Variants in EPHB1 observed in about 807,000 individuals in gnomAD.
The protein encoded by EPHB1 is ephrin type-B receptor 1.
EPHB1 carries 30 observed loss-of-function variants against 94.4 expected under a neutral mutation model. The observed-to-expected ratio is 0.32, with a 90% CI of 0.24 to 0.43. EPHB1 has a LOEUF of 0.43. Among genes scored for constraint, EPHB1 ranks in the 20% least tolerant of loss-of-function variants. The probability of loss-of-function intolerance (pLI) is 1.00; values close to 1 mark genes in which losing one functional copy is unlikely to be tolerated. For missense variants in EPHB1, 1,055 were observed against 1,308.3 expected (o/e 0.81, Z 2.99); for synonymous variants, 522 against 489.1 (o/e 1.07, Z -0.89).
intron 1 of EPHB1, among the ~76,000 whole-genome samples, chr3:134,881,656 G>A (rs2037733304): frequency 6.6e-6 from 1 of 152,194 alleles, no homozygotes; most frequent in African/African-American, 2.4e-5. Context: ...CCTGACAAAG[G>A]GGTGCTAATC....
chr3:134,818,308 C>A (rs889217480), intron 1 of EPHB1, among the ~76,000 whole-genome samples: 2 of 152,196 alleles, frequency 1.3e-5, no homozygotes, highest in African/African-American at 4.8e-5. Context: ...CAGGCAGCCT[C>A]CTTGGCTTAG....
intron 1 of EPHB1, among the ~76,000 whole-genome samples, chr3:134,834,118 C>T (rs1430751648): frequency 6.6e-6 from 1 of 152,056 alleles, no homozygotes; most frequent in African/African-American, 2.4e-5. Context: ...ACTATCTAGG[C>T]AGGAGATGAG....
In EPHB1 at chr3:135,201,662, C is replaced by A. The variant is rs749937780; in HGVS notation, c.2319C>A (p.Thr773=). The change falls in exon 12 of 16, where the codon ACC becomes ACA. Residue 773 remains threonine, a synonymous_variant. Coordinates refer to ENST00000398015, the MANE Select transcript of EPHB1 (RefSeq NM_004441.5). ...TCTCCCGCTACCTCCAGGATGACAC[C>A]TCAGATCCCACCTACACCAGCTCCT... The part of the protein sequence containing the change: ...FGLSRYLQDD[T]SDPTYTSSLG... 5 of 1,613,822 alleles carry A rather than the reference C, an allele frequency of 3.1e-6. No homozygotes were observed. The South Asian group carries it at 4.4e-5, about 14-fold the overall frequency.
intron 11 of EPHB1, among the ~76,000 whole-genome samples, chr3:135,196,553 G>T (rs1942622865): frequency 6.6e-6 from 1 of 152,128 alleles, no homozygotes; most frequent in Non-Finnish European, 1.5e-5. Flanking sequence ...ACCGAACCCT[G>T]GAGCATAGCA....
At chr3:135,130,603 TG>T in intron 4 of EPHB1, among the ~76,000 whole-genome samples, 1 of 152,026 alleles carries the variant, frequency 6.6e-6, no homozygotes, top group East Asian at 1.9e-4. Context: ...CTGGAGTCAG[TG>T]GGGAGAGTGT....
chr3:135,111,553 G>A (rs566685304), intron 4 of EPHB1, among the ~76,000 whole-genome samples: 47 of 152,266 alleles, frequency 3.1e-4, no homozygotes, highest in African/African-American at 1.1e-3. Flanking sequence ...ATGTGAGAGA[G>A]AGGAGGGGTG....
chr3:135,201,063 C>T (rs1300607106), intron 11 of EPHB1, among the ~76,000 whole-genome samples: 1 of 151,990 alleles, frequency 6.6e-6, no homozygotes, highest in Non-Finnish European at 1.5e-5. Context: ...GGAGATTTTC[C>T]TTAATGCAAT....
In EPHB1 at chr3:135,053,027, G is replaced by GTATATATATATA. The variant is rs1243029809; in HGVS notation, c.806-53404_806-53393dup. ...TGTGTATATATATGTGTGTGTGTGT[G>GTATATATATATA]TATATATATATATATATATATATAT... On this transcript the variant is annotated intron_variant, in intron 3 of 15. Transcript: ENST00000398015. Among the ~76,000 whole-genome samples, 239 of 110,372 alleles carry GTATATATATATA rather than the reference G, an allele frequency of 2.2e-3. 6 individuals carry two copies. The highest frequency in any genetic ancestry group is 7.0e-3 in the African/African-American group (165 of 23,584). 72.4% of individuals were successfully genotyped at this position (110,372 alleles called of 152,430 possible). A position where few individuals can be genotyped will look rare whatever the true frequency, so the allele number is the denominator to read the frequency against.
chr3:135,254,571 A>G (rs543641733), intron 15 of EPHB1, among the ~76,000 whole-genome samples: 1 of 152,100 alleles, frequency 6.6e-6, no homozygotes, highest in East Asian at 1.9e-4. Context: ...AGCCCACTTG[A>G]TCATGGTGAA....
chr3:134,903,053 A>G (rs1016661971), intron 1 of EPHB1, among the ~76,000 whole-genome samples: 3 of 152,248 alleles, frequency 2.0e-5, no homozygotes, highest in African/African-American at 7.2e-5. Flanking sequence ...TTCAGGACAC[A>G]TGGTCCTGAC....
At position 135,259,099 on chromosome 3, in the gene EPHB1, G is replaced by C. The variant is rs749957962; in HGVS notation, c.2934G>C (p.Gln978His). ...SIHSMRVQIS[Q>H]SPTAMA ...ATTCTATGAGGGTCCAGATAAGTCA[G>C]TCACCAACGGCAATGGCATGAGAAC... The change falls in exon 16 of 16, where the codon CAG becomes CAC. Residue 978 changes from glutamine to histidine, a missense_variant. Coordinates refer to ENST00000398015, the MANE Select transcript of EPHB1 (RefSeq NM_004441.5). 6.2e-7 allele frequency: 1 copy of C among 1,609,298 alleles called. No homozygotes were observed. The highest frequency in any genetic ancestry group is 8.5e-7 in the Non-Finnish European group (1 of 1,177,902).
chr3:134,888,631 T>C (rs1340623235), intron 1 of EPHB1, among the ~76,000 whole-genome samples: 1 of 146,966 alleles, frequency 6.8e-6, no homozygotes. Flanking sequence ...TCGCTTGAAC[T>C]AGGGAGTTGG....
At chr3:134,841,549 G>T (rs191673788) in intron 1 of EPHB1, 13 of 152,282 alleles carry the variant, frequency 8.5e-5, no homozygotes, top group Admixed American at 7.8e-4. Flanking sequence ...ATCATAAAAA[G>T]GTTTCCTCTA....
At chr3:134,832,984 T>C (rs1166514305) in intron 1 of EPHB1, among the ~76,000 whole-genome samples, 1 of 152,242 alleles carries the variant, frequency 6.6e-6, no homozygotes, top group Non-Finnish European at 1.5e-5. Flanking sequence ...TAATGCTGTT[T>C]TTTAAAAAGT....
In EPHB1 at chr3:135,252,688, G is replaced by A. The variant is rs554723861; in HGVS notation, c.2846+3197G>A. ...CCACAATAAACATACGTTTGCACGT[G>A]TCTTTATAGCAGCATGATTTATAGT... On this transcript the variant is annotated intron_variant, in intron 15 of 15. Transcript: ENST00000398015. 9.9e-5 allele frequency among the ~76,000 whole-genome samples: 14 copies of A among 141,890 alleles called. 3 individuals are homozygous for A. The South Asian group carries it at 3.2e-3, about 33-fold the overall frequency. 93.1% of individuals were successfully genotyped at this position (141,890 alleles called of 152,430 possible).
chr3:135,197,254 C>T lies in EPHB1; in HGVS notation c.2131-4220C>T, dbSNP rs1942647304. On this transcript the variant is annotated intron_variant, in intron 11 of 15. Coordinates refer to ENST00000398015, the MANE Select transcript of EPHB1 (RefSeq NM_004441.5). ...GCTTTGTGGTTGCTGCTGGTTCTTTCACAGATAATCATAACTGGAAGACTC... is the reference window on the plus strand; with the variant it reads ...GCTTTGTGGTTGCTGCTGGTTCTTTTACAGATAATCATAACTGGAAGACTC... Among the ~76,000 whole-genome samples, 5 of 152,104 alleles carry T rather than the reference C, an allele frequency of 3.3e-5. No individual in the cohort carries two copies. In the South Asian group the frequency reaches 1.0e-3, roughly 32 times the overall value.
intron 6 of EPHB1, among the ~76,000 whole-genome samples, chr3:135,157,555 C>T (rs1324477865): frequency 6.6e-6 from 1 of 152,240 alleles, no homozygotes; most frequent in African/African-American, 2.4e-5. Flanking sequence ...GCAGCAGCTT[C>T]CACACCTCAG....
chr3:135,134,156 G>T (rs1940527928), intron 5 of EPHB1, among the ~76,000 whole-genome samples: 1 of 152,248 alleles, frequency 6.6e-6, no homozygotes, highest in African/African-American at 2.4e-5. Flanking sequence ...GGGGTCATAG[G>T]CAGTGGACCG....
intron 9 of EPHB1, among the ~76,000 whole-genome samples, chr3:135,179,358 C>A (rs1486000591): frequency 2.0e-5 from 3 of 152,124 alleles, no homozygotes; most frequent in African/African-American, 7.2e-5. Context: ...TTTCTAACAG[C>A]AATTTCTCTC....
Sources: allele counts gnomAD v4.1 joint callset (sites outside exome capture counted in the v4.1 genomes callset), GRCh38; gene constraint gnomAD v4.1.1; transcripts MANE v1.5; gene names NCBI Gene and HGNC (gene_info 2026-07-23, HGNC 2026-07-21).